Variants in CAMK2D observed in about 807,000 individuals in gnomAD.
CAMK2D encodes the protein calcium/calmodulin-dependent protein kinase type II subunit delta.
In CAMK2D, 37 loss-of-function variants were observed where a neutral mutation model predicts 84.0. That is an observed-to-expected ratio of 0.44 (90% CI 0.34 to 0.58). The LOEUF (loss-of-function observed/expected upper bound fraction) is 0.58, where lower values mean the gene tolerates loss of function less well. CAMK2D is among the 20% of genes least tolerant of loss of function. The probability of loss-of-function intolerance (pLI) is 0.02; values close to 1 mark genes in which losing one functional copy is unlikely to be tolerated. For missense variants in CAMK2D, 448 were observed against 652.5 expected (o/e 0.69, Z 3.41); for synonymous variants, 202 against 212.5 (o/e 0.95, Z 0.43).
chr4:113,738,507 T>C (rs2099586194), intron 2 of CAMK2D, among the ~76,000 whole-genome samples: 1 of 152,138 alleles, frequency 6.6e-6, no homozygotes, highest in Non-Finnish European at 1.5e-5. Flanking sequence ...AAATAGGATA[T>C]TGCACAATGA....
intron 3 of CAMK2D, among the ~76,000 whole-genome samples, chr4:113,654,115 T>C (rs1458563644): frequency 6.6e-6 from 1 of 151,954 alleles, no homozygotes; most frequent in Non-Finnish European, 1.5e-5. Flanking sequence ...ATACACAGAT[T>C]GTGTGTTTTT....
Position 113,609,197 on chromosome 4 carries a change from T to A in CAMK2D, c.230A>T (p.His77Leu). Residue 77 changes from histidine (H) to leucine (L), a missense_variant, in exon 4 of 21, where the codon CAT becomes CTT. Around this residue, in one of 7 missense-constraint regions of CAMK2D, gnomAD observed 46 missense variants for 46.3 expected, o/e 0.99. Transcript: ENST00000511664. The part of the protein sequence containing the change: ...LLKHPNIVRL[H>L]DSISEEGFHY... ...AAAGCCCTCTTCTGATATGCTATCA[T>A]GAAGTCGCACTAGAAAAAAATAAGA... 1 of 1,578,822 alleles carries A rather than the reference T, an allele frequency of 6.3e-7. No homozygotes were observed. The highest frequency in any genetic ancestry group is 1.1e-5 in the South Asian group (1 of 90,286).
Position 113,731,608 on chromosome 4 carries a change from C to T in CAMK2D, c.160+27712G>A, listed in dbSNP as rs528577181. Among the ~76,000 whole-genome samples the T allele has an allele frequency of 1.4e-3, 174 of 125,658 alleles. 2 individuals carry two copies. The highest frequency in any genetic ancestry group is 2.3e-3 in the Non-Finnish European group (145 of 62,566). The allele number at this position is 125,658 out of a possible 152,430, so 82.4% of individuals were successfully genotyped here. A position where few individuals can be genotyped will look rare whatever the true frequency, so the allele number is the denominator to read the frequency against. ...TGCTTTTTTTTTTTTTTTTTTGAGA[C>T]AGAGTCTCACTCTGTCCTCCAGGCT... On this transcript the variant is annotated intron_variant, in intron 2 of 20. Coordinates refer to ENST00000511664, the MANE Select transcript of CAMK2D (RefSeq NM_001321571.2).
chr4:113,611,181 T>G (rs997189395), intron 3 of CAMK2D, among the ~76,000 whole-genome samples: 2 of 152,182 alleles, frequency 1.3e-5, no homozygotes, highest in African/African-American at 4.8e-5. Flanking sequence ...AGATGCCTGC[T>G]AGCCTTGCTT....
chr4:113,515,425 G>C (rs1338811220), intron 9 of CAMK2D, among the ~76,000 whole-genome samples: 1 of 152,144 alleles, frequency 6.6e-6, no homozygotes, highest in African/African-American at 2.4e-5. Context: ...TATGTACTGA[G>C]CTGCATATCA....
rs558229503 is a variant in CAMK2D at position 113,729,255 on chromosome 4, A to G, written c.160+30065T>C. 5.3e-5 allele frequency among the ~76,000 whole-genome samples: 8 copies of G among 152,312 alleles called. 1 individual carries two copies. The highest frequency in any genetic ancestry group is 4.6e-4 in the Admixed American group (7 of 15,296). The stretch of plus-strand genomic sequence containing the variant: ...AATCCAGAACAATTTTTTAATAAAC[A>G]TAATTTTGATCATGTTATGCCTCTG... On this transcript the variant is annotated intron_variant, in intron 2 of 20. Coordinates refer to ENST00000511664, the MANE Select transcript of CAMK2D (RefSeq NM_001321571.2).
intron 3 of CAMK2D, among the ~76,000 whole-genome samples, chr4:113,651,987 TAAA>T (rs1212576846): frequency 6.6e-6 from 1 of 152,206 alleles, no homozygotes; most frequent in Non-Finnish European, 1.5e-5. Flanking sequence ...GGACTAATAA[TAAA>T]TACTAAAATT....
At chr4:113,600,477 G>C (rs2098947096) in intron 4 of CAMK2D, among the ~76,000 whole-genome samples, 1 of 151,936 alleles carries the variant, frequency 6.6e-6, no homozygotes, top group Non-Finnish European at 1.5e-5. Context: ...AAAATATAAA[G>C]TTTATTAGAA....
At chr4:113,660,962 A>AT (rs60016599) in intron 3 of CAMK2D, among the ~76,000 whole-genome samples, 6,762 of 151,304 alleles carry the variant, frequency 0.045, 492 homozygotes, top group African/African-American at 0.15. Context: ...CGCCCGGATA[A>AT]TTTTTTTGTA....
At position 113,451,100 on chromosome 4, in the gene CAMK2D, A is replaced by C. The variant is rs1052292862; in HGVS notation, c.*3445T>G. 5.9e-5 allele frequency: 9 copies of C among 152,238 alleles called. No homozygotes were observed. The highest frequency in any genetic ancestry group is 2.2e-4 in the African/African-American group (9 of 41,470). The allele number at this position is 152,238 out of a possible 1,614,324, so 9.4% of individuals were successfully genotyped here. A position where few individuals can be genotyped will look rare whatever the true frequency, so the allele number is the denominator to read the frequency against. On this transcript the variant is annotated 3_prime_UTR_variant, in exon 21 of 21. Transcript: ENST00000511664. Reference sequence around the variant, plus strand: ...AGCTGTGTCATCTATGTTTACCCTTAAATTATAATTTTTTACATAAAAATT... The same window carrying C: ...AGCTGTGTCATCTATGTTTACCCTTCAATTATAATTTTTTACATAAAAATT...
rs1004205583 is a variant in CAMK2D at position 113,549,576 on chromosome 4, C to T, written c.342-1860G>A. Among the ~76,000 whole-genome samples the T allele has an allele frequency of 7.2e-5, 11 of 152,280 alleles. 1 individual carries two copies. The Middle Eastern group carries it at 0.01, about 141-fold the overall frequency. Reference sequence around the variant, plus strand: ...AGAGAGGAGAAATCCTTGTTTGGCACCTATAAGGTCCTGTGAACTGTCATC... The same window carrying T: ...AGAGAGGAGAAATCCTTGTTTGGCATCTATAAGGTCCTGTGAACTGTCATC... On this transcript the variant is annotated intron_variant, in intron 5 of 20. Transcript: ENST00000511664.
intron 7 of CAMK2D, among the ~76,000 whole-genome samples, chr4:113,535,727 A>G (rs898886367): frequency 6.6e-6 from 1 of 152,200 alleles, no homozygotes; most frequent in Non-Finnish European, 1.5e-5. Flanking sequence ...CATGACAGTG[A>G]GCAAAGTCCC....
chr4:113,458,375 A>C (rs2097330444), intron 18 of CAMK2D, among the ~76,000 whole-genome samples: 1 of 152,188 alleles, frequency 6.6e-6, no homozygotes, highest in Non-Finnish European at 1.5e-5. Context: ...ATCACTAGAA[A>C]AGGTTGAATT....
chr4:113,613,809 C>G (rs1055373975), intron 3 of CAMK2D, among the ~76,000 whole-genome samples: 1 of 152,014 alleles, frequency 6.6e-6, no homozygotes, highest in African/African-American at 2.4e-5. Context: ...AAATCATTTT[C>G]ATTTCCAAAA....
chr4:113,573,252 C>G (rs2098763260), intron 4 of CAMK2D, among the ~76,000 whole-genome samples: 1 of 152,210 alleles, frequency 6.6e-6, no homozygotes, highest in Admixed American at 6.5e-5. Flanking sequence ...TACACACATA[C>G]ATGCACATAC....
chr4:113,732,590 A>G (rs1483321345), intron 2 of CAMK2D, among the ~76,000 whole-genome samples: 1 of 152,196 alleles, frequency 6.6e-6, no homozygotes, highest in Non-Finnish European at 1.5e-5. Context: ...TAATTCACAT[A>G]TTTTTACATA....
intron 16 of CAMK2D, among the ~76,000 whole-genome samples, chr4:113,475,575 GAAGCT>G (rs1302207644): frequency 6.6e-6 from 1 of 152,184 alleles, no homozygotes; most frequent in Admixed American, 6.5e-5. Context: ...CAATGAGGTA[GAAGCT>G]AAGCAGTTTT....
chr4:113,581,284 C>T (rs930874318), intron 4 of CAMK2D, among the ~76,000 whole-genome samples: 20 of 151,866 alleles, frequency 1.3e-4, no homozygotes, highest in Admixed American at 8.5e-4. Flanking sequence ...GAGGCCGAGG[C>T]GGGTGGATCA....
At chr4:113,565,374 G>T (rs1202066242) in intron 4 of CAMK2D, among the ~76,000 whole-genome samples, 2 of 152,186 alleles carry the variant, frequency 1.3e-5, no homozygotes, top group Non-Finnish European at 2.9e-5. Context: ...AAAAAGGCTG[G>T]CCATGGTGGC....
Sources: allele counts gnomAD v4.1 joint callset (sites outside exome capture counted in the v4.1 genomes callset), GRCh38; gene constraint gnomAD v4.1.1; regional missense constraint gnomAD v4.1.1; transcripts MANE v1.5; gene names NCBI Gene and HGNC (gene_info 2026-07-23, HGNC 2026-07-21).